The following SFMBT2 variants were observed in gnomAD, a reference collection of about 807,000 sequenced individuals.
SFMBT2 encodes Scm like with four mbt domains 2.
In SFMBT2, 38 loss-of-function variants were observed where a neutral mutation model predicts 110.1. The ratio of observed to expected loss-of-function variants is 0.35; its 90% CI spans 0.27 to 0.45. SFMBT2 has a LOEUF of 0.45. Ranked by LOEUF, SFMBT2 falls within the 20% of genes least tolerant of loss-of-function variation. SFMBT2 has a pLI of 1.00. For missense variants in SFMBT2, 1,011 were observed against 1,094.9 expected (o/e 0.92, Z 1.08); for synonymous variants, 425 against 425.4 (o/e 1.00, Z 0.01).
At chr10:7,299,908 A>G (rs534865407) in intron 4 of SFMBT2, among the ~76,000 whole-genome samples, 40 of 152,330 alleles carry the variant, frequency 2.6e-4, no homozygotes, top group African/African-American at 7.9e-4. Context: ...CCAAATACCC[A>G]TCAATGGTAG....
intron 15 of SFMBT2, among the ~76,000 whole-genome samples, chr10:7,193,964 G>A (rs1237880163): frequency 6.6e-6 from 1 of 152,134 alleles, no homozygotes; most frequent in East Asian, 1.9e-4. Flanking sequence ...AGAAAAAGAT[G>A]CTCCCAATGG....
At chr10:7,208,594 G>A (rs1839228178) in intron 11 of SFMBT2, among the ~76,000 whole-genome samples, 2 of 151,750 alleles carry the variant, frequency 1.3e-5, no homozygotes, top group African/African-American at 2.4e-5. Flanking sequence ...GCTGAGGCAG[G>A]AGACTCACTT....
intron 8 of SFMBT2, chr10:7,244,009 GA>G: frequency 1.6e-6 from 1 of 633,300 alleles, no homozygotes; most frequent in Non-Finnish European, 2.0e-6. Context: ...ATGAATGGAG[GA>G]AGTCAGACAG....
chr10:7,404,550 T>C (rs994616869), intron 1 of SFMBT2, among the ~76,000 whole-genome samples: 2 of 152,250 alleles, frequency 1.3e-5, no homozygotes, highest in African/African-American at 4.8e-5. Context: ...TTATTTGTCC[T>C]ACTTTGCAGA....
intron 7 of SFMBT2, among the ~76,000 whole-genome samples, chr10:7,268,114 G>A (rs1841452010): frequency 6.6e-6 from 1 of 152,156 alleles, no homozygotes; most frequent in Non-Finnish European, 1.5e-5. Flanking sequence ...AAAGTAATAT[G>A]GAGGCTCGTA....
At position 7,376,899 on chromosome 10, in the gene SFMBT2, T is replaced by C. The variant is rs186485027; in HGVS notation, c.100+4900A>G. ...ATAAGAGAAAACACCCGGCCGAGTG[T>C]GGTGGCTCACGCCTGTAATCCCAGC... On this transcript the variant is annotated intron_variant, in intron 2 of 20. Coordinates refer to ENST00000397167, the MANE Select transcript of SFMBT2 (RefSeq NM_001387889.1). Among the ~76,000 whole-genome samples the C allele has an allele frequency of 9.9e-3, 1,423 of 144,272 alleles. 54 individuals carry two copies. The highest frequency in any genetic ancestry group is 0.088 in the East Asian group (425 of 4,820). 94.6% of individuals were successfully genotyped at this position (144,272 alleles called of 152,430 possible).
At chr10:7,213,972 A>G (rs926016884) in intron 11 of SFMBT2, among the ~76,000 whole-genome samples, 14 of 152,180 alleles carry the variant, frequency 9.2e-5, no homozygotes, top group South Asian at 4.1e-4. Flanking sequence ...AGAAGAGGCC[A>G]AGAAAAGTCA....
intron 4 of SFMBT2, among the ~76,000 whole-genome samples, chr10:7,331,006 C>G (rs1032297763): frequency 2.0e-5 from 3 of 152,228 alleles, no homozygotes; most frequent in Non-Finnish European, 4.4e-5. Context: ...GCAGCCAGGC[C>G]TCTGTCCCTC....
intron 16 of SFMBT2, among the ~76,000 whole-genome samples, chr10:7,183,636 G>C (rs1473351665): frequency 9.2e-5 from 14 of 152,152 alleles, no homozygotes; most frequent in Non-Finnish European, 1.8e-4. Context: ...GGAGAGAGAC[G>C]TAAGAGTAAA....
chr10:7,370,780 T>G (rs1246761744), intron 2 of SFMBT2: 1 of 961,588 alleles, frequency 1.0e-6, no homozygotes, highest in African/African-American at 1.8e-5. Context: ...TAGGCTGTGA[T>G]GTATACAGAG....
At chr10:7,305,809 G>A (rs1318381208) in intron 4 of SFMBT2, among the ~76,000 whole-genome samples, 2 of 152,212 alleles carry the variant, frequency 1.3e-5, no homozygotes, top group African/African-American at 2.4e-5. Flanking sequence ...ATTTCTGCAC[G>A]TTTTGTGACT....
At chr10:7,259,287 A>G (rs1841124419) in intron 7 of SFMBT2, among the ~76,000 whole-genome samples, 1 of 152,206 alleles carries the variant, frequency 6.6e-6, no homozygotes, top group South Asian at 2.1e-4. Context: ...CACAAGTGGG[A>G]AGCCTCCCCA....
chr10:7,238,555 C>T (rs1299084087), intron 9 of SFMBT2, among the ~76,000 whole-genome samples: 1 of 152,142 alleles, frequency 6.6e-6, no homozygotes, highest in Non-Finnish European at 1.5e-5. Flanking sequence ...GAGAATACGA[C>T]TTACGGTTCC....
At chr10:7,266,930 T>C (rs1841412596) in intron 7 of SFMBT2, among the ~76,000 whole-genome samples, 1 of 150,674 alleles carries the variant, frequency 6.6e-6, no homozygotes, top group Non-Finnish European at 1.5e-5. Flanking sequence ...CAAGGGGGGG[T>C]CTGTGGCTGC....
At chr10:7,292,703 T>C (rs1305347157) in intron 4 of SFMBT2, among the ~76,000 whole-genome samples, 3 of 152,230 alleles carry the variant, frequency 2.0e-5, no homozygotes, top group East Asian at 3.9e-4. Flanking sequence ...AGAAAAGAAA[T>C]AGTATCATTT....
At chr10:7,303,491 AAGAGAG>A (rs145860586) in intron 4 of SFMBT2, among the ~76,000 whole-genome samples, 1 of 151,298 alleles carries the variant, frequency 6.6e-6, no homozygotes, top group Non-Finnish European at 1.5e-5. Flanking sequence ...CGAGACTAAA[AAGAGAG>A]AGAGAGAGAG....
chr10:7,371,134 T>G (rs1161190749), intron 2 of SFMBT2, among the ~76,000 whole-genome samples: 8 of 152,194 alleles, frequency 5.3e-5, no homozygotes, highest in African/African-American at 1.9e-4. Flanking sequence ...TTTGTTTTGT[T>G]TTTTTGAGAG....
intron 4 of SFMBT2, among the ~76,000 whole-genome samples, chr10:7,365,555 A>C (rs1844868150): frequency 6.6e-6 from 1 of 152,220 alleles, no homozygotes; most frequent in African/African-American, 2.4e-5. Flanking sequence ...GAACCACCCA[A>C]GTGGAAGAAC....
At chr10:7,176,252 C>G in intron 16 of SFMBT2, 87 bp from the exon 17 acceptor site, 3 of 1,351,774 alleles carry the variant, frequency 2.2e-6, no homozygotes, top group Non-Finnish European at 3.1e-6. Context: ...AAGGCAGCAA[C>G]TTCATTTTCC....
Sources: gnomAD v4.1 joint callset for allele counts (sites outside exome capture counted in the v4.1 genomes callset) on GRCh38, gnomAD v4.1.1 for gene constraint, MANE v1.5 for transcripts, NCBI Gene and HGNC (gene_info 2026-07-23, HGNC 2026-07-21) for gene names.